The following TIMM21 variants were observed in gnomAD, a reference collection of about 807,000 sequenced individuals.
TIMM21 encodes mitochondrial import inner membrane translocase subunit Tim21.
TIMM21 carries 30 observed loss-of-function variants against 27.7 expected under a neutral mutation model. That is an observed-to-expected ratio of 1.08 (90% confidence interval 0.81 to 1.47). The LOEUF (loss-of-function observed/expected upper bound fraction) is 1.47, where lower values mean the gene tolerates loss of function less well. Among genes scored for constraint, TIMM21 ranks in the 40% most tolerant of loss-of-function variants. The pLI, the probability that TIMM21 is intolerant of heterozygous loss-of-function variation, is 0.00. For missense variants in TIMM21, 292 were observed against 302.9 expected, an observed-to-expected ratio of 0.96 and a Z score of 0.27; for synonymous variants, 121 against 114.4, an observed-to-expected ratio of 1.06 and a Z score of -0.37.
chr18:74,155,561 C>T, intron 3 of TIMM21, 158 bp downstream of exon 3: 1 of 634,562 alleles, frequency 1.6e-6, no homozygotes, highest in Non-Finnish European at 2.7e-6. Context: ...GGTCTTTGCT[C>T]TTTAAGAGAA....
chr18:74,160,145 C>CCTAT lies in TIMM21; in HGVS notation c.*1669_*1672dup, dbSNP rs1980061968. 1.3e-5 allele frequency: 2 copies of CCTAT among 151,664 alleles called. No homozygotes were observed. Among genetic ancestry groups the CCTAT allele is most frequent in the Non-Finnish European group, 2.9e-5 (2 of 68,006 alleles). The allele number at this position is 151,664 out of a possible 1,614,324, so 9.4% of individuals were successfully genotyped here. A position where few individuals can be genotyped will look rare whatever the true frequency, so the allele number is the denominator to read the frequency against. ...ACCAGCCTGGCCAACATGGTGAAAC[C>CCTAT]CTATCTACTAAAAATTCAAAAAAAA... On this transcript the variant is annotated 3_prime_UTR_variant, in exon 6 of 6. Transcript: ENST00000169551.
In TIMM21 at chr18:74,158,941, G is replaced by A. The variant is rs1436789726; in HGVS notation, c.*461G>A. 1 of 165,622 alleles carries A rather than the reference G, an allele frequency of 6.0e-6. No homozygotes were observed. Among genetic ancestry groups the A allele is most frequent in the Non-Finnish European group, 1.3e-5 (1 of 77,584 alleles). 10.3% of individuals were successfully genotyped at this position (165,622 alleles called of 1,614,324 possible). ...GTTGAGGGCCATAGGGAACCAGATG[G>A]TAAATACATTCTTCAAAATTGTGTG... On this transcript the variant is annotated 3_prime_UTR_variant, in exon 6 of 6. Coordinates refer to ENST00000169551, the MANE Select transcript of TIMM21 (RefSeq NM_014177.3).
At chr18:74,155,567 G>A (rs1055791975) in intron 3 of TIMM21, 164 bp downstream of exon 3, 1 of 623,896 alleles carries the variant, frequency 1.6e-6, no homozygotes, top group African/African-American at 1.8e-5. Context: ...TGCTCTTTAA[G>A]AGAACCCAAA....
In TIMM21 at chr18:74,148,730, C is replaced by A. The variant is rs3737510; in HGVS notation, c.-79C>A. 64,892 of 1,416,410 alleles carry A rather than the reference C, an allele frequency of 0.046. 3,015 individuals carry two copies. Among genetic ancestry groups the A allele is most frequent in the African/African-American group, 0.21 (14,947 of 70,080 alleles). 87.7% of individuals were successfully genotyped at this position (1,416,410 alleles called of 1,614,324 possible). On this transcript the variant is annotated 5_prime_UTR_variant, in exon 1 of 6. Coordinates refer to ENST00000169551, the MANE Select transcript of TIMM21 (RefSeq NM_014177.3). Reference sequence around the variant, plus strand: ...AAACGTATAGGCTTGAGTACGTGTCCGGCCGCATGTGTAGTGAACCCTAAA... The same window carrying A: ...AAACGTATAGGCTTGAGTACGTGTCAGGCCGCATGTGTAGTGAACCCTAAA...
chr18:74,158,356 A>G lies in TIMM21; in HGVS notation c.643-20A>G, dbSNP rs1252627265. On this transcript the variant is annotated intron_variant, in intron 5 of 5. Transcript: ENST00000169551. ...TTCTGGAAAGGAAAATAATACCTGGAAACACTACATTTTTTTCAGAACCCA... is the reference window on the plus strand; with the variant it reads ...TTCTGGAAAGGAAAATAATACCTGGGAACACTACATTTTTTTCAGAACCCA... 4 of 1,606,548 alleles carry G rather than the reference A, an allele frequency of 2.5e-6. No homozygotes were observed. In the East Asian group the frequency reaches 8.9e-5, roughly 36 times the overall value.
intron 1 of TIMM21, among the ~76,000 whole-genome samples, chr18:74,154,075 G>A (rs1979880768): frequency 6.6e-6 from 1 of 151,216 alleles, no homozygotes; most frequent in East Asian, 1.9e-4. Flanking sequence ...GTAGCTGTTG[G>A]TAAGTGAAAA....
intron 1 of TIMM21, among the ~76,000 whole-genome samples, chr18:74,151,067 G>A (rs116608043): frequency 3.3e-5 from 5 of 152,294 alleles, no homozygotes; most frequent in African/African-American, 1.2e-4. Flanking sequence ...ACCCACCTGT[G>A]AGCTTCTTAC....
chr18:74,149,196 G>A, intron 1 of TIMM21, 87 bp downstream of exon 1: 1 of 1,430,028 alleles, frequency 7.0e-7, no homozygotes, highest in Non-Finnish European at 9.4e-7. Flanking sequence ...ACTGCTAAAG[G>A]TGAAAAAGCA....
chr18:74,156,420 C>T (rs908494455), intron 3 of TIMM21: 47 of 396,676 alleles, frequency 1.2e-4, no homozygotes, highest in Non-Finnish European at 1.8e-4. Flanking sequence ...CAGAAGCTAA[C>T]GATCTCTGGC....
Position 74,148,963 on chromosome 18 carries a change from T to C in TIMM21, c.155T>C (p.Leu52Pro). 6.2e-7 allele frequency: 1 copy of C among 1,614,164 alleles called. No individual in the cohort carries two copies. The change falls in exon 1 of 6, where the codon CTG (leucine) becomes CCG (proline). Residue 52 changes from leucine (L) to proline (P), a missense_variant. Physicochemically the swap from Leu to Pro is moderately conservative, Grantham distance 98. Transcript: ENST00000169551. ...RCGLQYQKKT[L>P]RPRCILGVTQ... ...GGGCTTCAATATCAAAAGAAAACGCTGCGACCTAGATGTATTCTTGGAGTC... is the reference window on the plus strand; with the variant it reads ...GGGCTTCAATATCAAAAGAAAACGCCGCGACCTAGATGTATTCTTGGAGTC...
At chr18:74,155,450 A>G (rs1345383014) in intron 3 of TIMM21, 47 bp downstream of exon 3, 1 of 1,492,290 alleles carries the variant, frequency 6.7e-7, no homozygotes, top group Non-Finnish European at 9.2e-7. Context: ...AGGGGGAGAA[A>G]ATGTCTGGGA....
chr18:74,154,835 T>A (rs1979906368), intron 1 of TIMM21, among the ~76,000 whole-genome samples: 1 of 152,172 alleles, frequency 6.6e-6, no homozygotes, highest in Non-Finnish European at 1.5e-5. Context: ...CCCTTACCCA[T>A]TTGGTTGACA....
intron 1 of TIMM21, among the ~76,000 whole-genome samples, chr18:74,150,427 A>G (rs1275987330): frequency 6.6e-6 from 1 of 152,192 alleles, no homozygotes; most frequent in Non-Finnish European, 1.5e-5. Context: ...TTAAAATTGA[A>G]CTGAAATAGC....
chr18:74,157,688 T>C (rs575162574), intron 3 of TIMM21: 122 of 228,960 alleles, frequency 5.3e-4, no homozygotes, highest in African/African-American at 2.8e-3. Context: ...CTCTGCCTAC[T>C]GGGTTCAAGC....
chr18:74,157,488 T>G (rs1277357752), intron 3 of TIMM21: 1 of 154,992 alleles, frequency 6.5e-6, no homozygotes, highest in African/African-American at 2.4e-5. Context: ...AAGCTACCTA[T>G]TTTAATCTTT....
intron 1 of TIMM21, among the ~76,000 whole-genome samples, chr18:74,153,895 G>A (rs1334456603): frequency 6.6e-6 from 1 of 152,108 alleles, no homozygotes; most frequent in African/African-American, 2.4e-5. Flanking sequence ...TATTTCAGAA[G>A]TCTGAATGGC....
chr18:74,158,450 C>A lies in TIMM21; in HGVS notation c.717C>A (p.Ile239=). 6.3e-7 allele frequency: 1 copy of A among 1,597,910 alleles called. No homozygotes were observed. Among genetic ancestry groups the A allele is most frequent in the Non-Finnish European group, 8.6e-7 (1 of 1,166,970 alleles). The change falls in exon 6 of 6, where the codon ATC becomes ATA. Residue 239 remains isoleucine, a synonymous_variant. Coordinates refer to ENST00000169551, the MANE Select transcript of TIMM21 (RefSeq NM_014177.3). ...AATCTTATCCTAGAAGAACTATTAT[C>A]ATTGAAGATAATCGATCCCAAGATG... is the stretch of plus-strand genomic sequence containing the variant. ...EIESYPRRTI[I]IEDNRSQDD
Position 74,151,947 on chromosome 18 carries a change from C to A in TIMM21, c.301+2838C>A, listed in dbSNP as rs553390725. ...CAGTGGTGTCTATGTTCCCCCCCCC[C>A]CCGGGGGGACCTCCAGCTCCTTCCG... is the stretch of plus-strand genomic sequence containing the variant. On this transcript the variant is annotated intron_variant, in intron 1 of 5. Coordinates refer to ENST00000169551, the MANE Select transcript of TIMM21 (RefSeq NM_014177.3). 3.9e-4 allele frequency among the ~76,000 whole-genome samples: 58 copies of A among 147,390 alleles called. No individual in the cohort carries two copies. In the South Asian group the frequency reaches 6.2e-3, roughly 16 times the overall value.
intron 3 of TIMM21, 102 bp from the exon 4 acceptor site, chr18:74,157,912 C>T: frequency 7.6e-7 from 1 of 1,324,034 alleles, no homozygotes; most frequent in Non-Finnish European, 1.1e-6. Flanking sequence ...AGGTCCTAAG[C>T]TTACTGATTT....
Sources: gnomAD v4.1 joint callset for allele counts (sites outside exome capture counted in the v4.1 genomes callset) on GRCh38, gnomAD v4.1.1 for gene constraint, MANE v1.5 for transcripts, NCBI Gene and HGNC (gene_info 2026-07-23, HGNC 2026-07-21) for gene names.